The following ARHGAP19 variants were observed in gnomAD, a reference collection of about 807,000 sequenced individuals.
ARHGAP19 encodes Rho GTPase activating protein 19.
In ARHGAP19, 48 loss-of-function variants were observed where a neutral mutation model predicts 60.9. The observed-to-expected ratio is 0.79, with a 90% confidence interval of 0.62 to 1.00. The LOEUF (loss-of-function observed/expected upper bound fraction) is 1.00, where lower values mean the gene tolerates loss of function less well. Among genes scored for constraint, ARHGAP19 ranks in the 50% least tolerant of loss-of-function variants. ARHGAP19 has a pLI of 0.00. For synonymous variants in ARHGAP19, 209 were observed against 215.5 expected (o/e 0.97, Z 0.27); for missense variants, 562 against 597.2 (o/e 0.94, Z 0.61).
chr10:97,225,266 G>C lies in ARHGAP19; in HGVS notation c.*856C>G, dbSNP rs1323086420. The C allele has an allele frequency of 2.0e-5, 3 of 152,172 alleles. No individual in the cohort carries two copies. Among genetic ancestry groups the C allele is most frequent in the Non-Finnish European group, 4.4e-5 (3 of 68,042 alleles). 9.4% of individuals were successfully genotyped at this position (152,172 alleles called of 1,614,324 possible). On this transcript the variant is annotated 3_prime_UTR_variant, in exon 12 of 12. Transcript: ENST00000358531. ...GTTCAGAAGTATTACGTTGGCACCA[G>C]AGATGTTTTAGTCAAGAGGAAATTG...
At chr10:97,250,849 T>C (rs1842634302) in intron 6 of ARHGAP19, among the ~76,000 whole-genome samples, 1 of 151,928 alleles carries the variant, frequency 6.6e-6, no homozygotes, top group African/African-American at 2.4e-5. Context: ...GAGAAATGCT[T>C]GAGCCCAGGA....
chr10:97,288,809 C>CTTTTTTT (rs750951743), intron 1 of ARHGAP19, among the ~76,000 whole-genome samples: 9 of 120,010 alleles, frequency 7.5e-5, no homozygotes, highest in African/African-American at 1.8e-4. Context: ...AACTTCTCTC[C>CTTTTTTT]TTTTTTTTTT....
chr10:97,267,890 G>C (rs1842918359), intron 1 of ARHGAP19, among the ~76,000 whole-genome samples: 1 of 152,256 alleles, frequency 6.6e-6, no homozygotes, highest in Admixed American at 6.5e-5. Flanking sequence ...CCAGGCCTGT[G>C]ATGGGAGGTG....
At chr10:97,292,292 C>T (rs1843246314) in intron 1 of ARHGAP19, among the ~76,000 whole-genome samples, 1 of 152,198 alleles carries the variant, frequency 6.6e-6, no homozygotes, top group African/African-American at 2.4e-5. Context: ...GGTGTCTCGG[C>T]GCCAAAGCGA....
intron 7 of ARHGAP19, 116 bp from the exon 8 acceptor site, chr10:97,244,275 T>C: frequency 1.4e-6 from 1 of 721,828 alleles, no homozygotes; most frequent in Non-Finnish European, 2.2e-6. Flanking sequence ...ACTCCTATAC[T>C]CAGGAACAAG....
intron 6 of ARHGAP19, among the ~76,000 whole-genome samples, chr10:97,251,984 GA>G (rs2134862753): frequency 6.6e-6 from 1 of 151,722 alleles, no homozygotes; most frequent in East Asian, 2.0e-4. Context: ...AGAAACAACA[GA>G]AGGACTGCTC....
At chr10:97,288,262 C>T (rs1843181268) in intron 1 of ARHGAP19, among the ~76,000 whole-genome samples, 1 of 151,866 alleles carries the variant, frequency 6.6e-6, no homozygotes, top group South Asian at 2.1e-4. Flanking sequence ...TACAAGAGGC[C>T]ACACTATCAA....
Position 97,264,888 on chromosome 10 carries a change from C to T in ARHGAP19, c.341G>A (p.Gly114Glu), listed in dbSNP as rs1275158265. 8 of 1,612,910 alleles carry T rather than the reference C, an allele frequency of 5.0e-6. No homozygotes were observed. Among genetic ancestry groups the T allele is most frequent in the Non-Finnish European group, 6.8e-6 (8 of 1,179,260 alleles). The stretch of plus-strand genomic sequence containing the variant: ...AATGCCTTCCTCCGTCAGTGGGGAC[C>T]CAAATATCACTCCTTTTTCTGAAAA... The part of the protein sequence containing the change: ...LKRKEKGVIF[G>E]SPLTEEGIAQ... The change falls in exon 3 of 12, where the codon GGG (glycine) becomes GAG (glutamate). Residue 114 changes from glycine (G) to glutamate (E), a missense_variant. By Grantham distance (98) the Gly-to-Glu change is moderately conservative. Coordinates refer to ENST00000358531, the MANE Select transcript of ARHGAP19 (RefSeq NM_032900.6).
intron 1 of ARHGAP19, among the ~76,000 whole-genome samples, chr10:97,289,226 T>C (rs925884326): frequency 2.0e-5 from 3 of 151,668 alleles, no homozygotes; most frequent in African/African-American, 4.8e-5. Context: ...GCGATTCTCC[T>C]GTCTCAGCCT....
intron 8 of ARHGAP19, among the ~76,000 whole-genome samples, chr10:97,242,591 C>T (rs1057088848): frequency 1.3e-5 from 2 of 152,160 alleles, no homozygotes; most frequent in African/African-American, 4.8e-5. Context: ...CGGCTCACCA[C>T]AACCTCTACC....
intron 1 of ARHGAP19, among the ~76,000 whole-genome samples, chr10:97,267,560 C>T (rs1018431693): frequency 6.6e-6 from 1 of 152,244 alleles, no homozygotes; most frequent in Non-Finnish European, 1.5e-5. Flanking sequence ...ACTGCCCTAG[C>T]AGAGGTTCTC....
At chr10:97,269,219 A>T (rs1202854448) in intron 1 of ARHGAP19, among the ~76,000 whole-genome samples, 1 of 152,232 alleles carries the variant, frequency 6.6e-6, no homozygotes, top group Non-Finnish European at 1.5e-5. Context: ...TAATAACAGT[A>T]TAGTGAAAAC....
chr10:97,269,018 T>A (rs1206869478), intron 1 of ARHGAP19, among the ~76,000 whole-genome samples: 1 of 152,168 alleles, frequency 6.6e-6, no homozygotes, highest in African/African-American at 2.4e-5. Context: ...CAAGTTATCA[T>A]ATCTCAGTCG....
At chr10:97,250,698 A>G (rs1486511120) in intron 6 of ARHGAP19, among the ~76,000 whole-genome samples, 1 of 151,982 alleles carries the variant, frequency 6.6e-6, no homozygotes, top group African/African-American at 2.4e-5. Flanking sequence ...CTAAATTGAA[A>G]AACTATAAAA....
intron 1 of ARHGAP19, among the ~76,000 whole-genome samples, chr10:97,288,810 T>C (rs1023049182): frequency 9.4e-5 from 10 of 106,056 alleles, no homozygotes; most frequent in African/African-American, 4.8e-4. Flanking sequence ...ACTTCTCTCC[T>C]TTTTTTTTTT....
At position 97,246,278 on chromosome 10, in the gene ARHGAP19, T is replaced by C. The variant is rs1842562035; in HGVS notation, c.987A>G (p.Ala329=). The change falls in exon 7 of 12, where the codon GCA becomes GCG. Residue 329 remains alanine (A), a synonymous_variant. Coordinates refer to ENST00000358531, the MANE Select transcript of ARHGAP19 (RefSeq NM_032900.6). The stretch of plus-strand genomic sequence containing the variant: ...AGCAGATTCCTATTCTTACCTTTGA[T>C]GCCTGAGTTCTGGATCCCAAATAGT... ...RLHYLGSRTQ[A]SKDDLDLIAS... 1 of 1,613,452 alleles carries C rather than the reference T, an allele frequency of 6.2e-7. No individual in the cohort carries two copies. The highest frequency in any genetic ancestry group is 1.3e-5 in the African/African-American group (1 of 74,908).
At chr10:97,251,190 A>AG (rs1324368407) in intron 6 of ARHGAP19, among the ~76,000 whole-genome samples, 1 of 72,700 alleles carries the variant, frequency 1.4e-5, no homozygotes, top group African/African-American at 5.8e-5. Context: ...AGGGAAAGGA[A>AG]GGGAAGGGGA....
intron 4 of ARHGAP19, among the ~76,000 whole-genome samples, chr10:97,262,782 A>C (rs1339129567): frequency 6.6e-6 from 1 of 152,094 alleles, no homozygotes; most frequent in Non-Finnish European, 1.5e-5. Context: ...AAACATCTGA[A>C]ATATATGAAT....
At chr10:97,251,209 G>T (rs1217731509) in intron 6 of ARHGAP19, among the ~76,000 whole-genome samples, 1 of 9,452 alleles carries the variant, frequency 1.1e-4, no homozygotes, top group Non-Finnish European at 2.8e-4. Flanking sequence ...GAAAGGGAAG[G>T]GGAAGGGGAA....
Sources: allele counts gnomAD v4.1 joint callset (sites outside exome capture counted in the v4.1 genomes callset), GRCh38; gene constraint gnomAD v4.1.1; transcripts MANE v1.5; gene names NCBI Gene and HGNC (gene_info 2026-07-23, HGNC 2026-07-21).